Variants in KAZN observed in about 807,000 individuals in gnomAD.
KAZN encodes the protein kazrin.
In KAZN, 40 loss-of-function variants were observed where a neutral mutation model predicts 87.4. The observed-to-expected ratio is 0.46, with a 90% CI of 0.36 to 0.60. The LOEUF (loss-of-function observed/expected upper bound fraction) is 0.60. Among genes scored for constraint, KAZN ranks in the 20% least tolerant of loss-of-function variants. The probability of loss-of-function intolerance (pLI) is 0.00; values close to 1 mark genes in which losing one functional copy is unlikely to be tolerated. For synonymous variants in KAZN, 466 were observed against 458.3 expected, an observed-to-expected ratio of 1.02 and a Z score of -0.22; for missense variants, 898 against 1,073.9, an observed-to-expected ratio of 0.84 and a Z score of 2.29.
chr1:14,550,457 A>T (rs1673430203), intron 2 of KAZN, among the ~76,000 whole-genome samples: 1 of 152,116 alleles, frequency 6.6e-6, no homozygotes, highest in African/African-American at 2.4e-5. Context: ...CAGGCTGGAA[A>T]AATATTGGCA....
At chr1:13,896,392 C>T (rs1639045087) in intron 1 of KAZN, among the ~76,000 whole-genome samples, 1 of 152,132 alleles carries the variant, frequency 6.6e-6, no homozygotes, top group Admixed American at 6.5e-5. Context: ...TAGGCTCAAG[C>T]GATCCTCCCA....
chr1:14,683,780 G>A (rs890471154), intron 1 of KAZN, among the ~76,000 whole-genome samples: 3 of 152,112 alleles, frequency 2.0e-5, no homozygotes, highest in Non-Finnish European at 4.4e-5. Flanking sequence ...TGTGCAGTGC[G>A]TGCTTCCTCT....
chr1:14,661,923 A>G (rs1639196957), intron 1 of KAZN, among the ~76,000 whole-genome samples: 1 of 152,212 alleles, frequency 6.6e-6, no homozygotes, highest in African/African-American at 2.4e-5. Context: ...TTCAAAAATA[A>G]AAGCATGGTT....
At chr1:13,910,896 A>G (rs759592332) in intron 1 of KAZN, among the ~76,000 whole-genome samples, 4 of 152,018 alleles carry the variant, frequency 2.6e-5, no homozygotes, top group Admixed American at 1.3e-4. Context: ...TTGGCTCACA[A>G]TTCTGTAGGC....
intron 2 of KAZN, among the ~76,000 whole-genome samples, chr1:14,961,170 C>T (rs907760561): frequency 1.7e-4 from 26 of 152,318 alleles, no homozygotes; most frequent in African/African-American, 6.0e-4. Flanking sequence ...AGGACGCTGA[C>T]CCAGCAGCCG....
At chr1:14,110,807 A>G (rs1644486179) in intron 1 of KAZN, among the ~76,000 whole-genome samples, 1 of 134,754 alleles carries the variant, frequency 7.4e-6, no homozygotes, top group South Asian at 2.5e-4. Flanking sequence ...AAAATATCTC[A>G]TTAATATCTT....
intron 1 of KAZN, among the ~76,000 whole-genome samples, chr1:14,054,063 G>C (rs1174976298): frequency 6.6e-6 from 1 of 151,828 alleles, no homozygotes; most frequent in African/African-American, 2.4e-5. Flanking sequence ...GGGAGGGATT[G>C]GTTTTTCTGT....
chr1:15,082,188 C>T (rs890811260), intron 8 of KAZN, among the ~76,000 whole-genome samples: 18 of 152,142 alleles, frequency 1.2e-4, no homozygotes, highest in African/African-American at 4.3e-4. Flanking sequence ...AGGTCTGAGA[C>T]CCTATGGGGC....
rs922245185 is a variant in KAZN at position 14,819,042 on chromosome 1, C to T, written c.227-141642C>T. On this transcript the variant is annotated intron_variant, in intron 1 of 14. Transcript: ENST00000376030. ...TGCACTCCAGCCTGGGCAACAACAG[C>T]GAAACTCTGTCTCAAAAAAAAATTG... 2.6e-5 allele frequency among the ~76,000 whole-genome samples: 4 copies of T among 152,142 alleles called. No individual in the cohort carries two copies. The South Asian group carries it at 6.2e-4, about 24-fold the overall frequency.
chr1:15,100,715 A>G (rs1641021878), intron 10 of KAZN, among the ~76,000 whole-genome samples: 1 of 152,228 alleles, frequency 6.6e-6, no homozygotes, highest in Non-Finnish European at 1.5e-5. Context: ...GAGGGTTTGT[A>G]ATCAGTCAAA....
intron 1 of KAZN, among the ~76,000 whole-genome samples, chr1:14,668,898 G>A (rs2069101): frequency 2.0e-5 from 3 of 152,192 alleles, no homozygotes; most frequent in Non-Finnish European, 2.9e-5. Context: ...TTGAAAAGGA[G>A]TTTGCGTTTG....
intron 1 of KAZN, among the ~76,000 whole-genome samples, chr1:14,714,550 C>T (rs982653104): frequency 2.0e-4 from 31 of 152,104 alleles, no homozygotes; most frequent in African/African-American, 7.2e-4. Flanking sequence ...AGAGCAGACA[C>T]CTGCTCTGCT....
chr1:14,931,063 C>G (rs1326948163), intron 1 of KAZN, among the ~76,000 whole-genome samples: 2 of 152,290 alleles, frequency 1.3e-5, no homozygotes, highest in East Asian at 3.9e-4. Flanking sequence ...GGTGAGGAAA[C>G]TGAGGCCCGA....
intron 2 of KAZN, among the ~76,000 whole-genome samples, chr1:14,245,824 G>T (rs990169382): frequency 6.6e-6 from 1 of 152,108 alleles, no homozygotes; most frequent in Non-Finnish European, 1.5e-5. Flanking sequence ...CAATCTCATT[G>T]CTGGGTATAT....
At chr1:14,419,237 G>A (rs1049479593) in intron 2 of KAZN, among the ~76,000 whole-genome samples, 3 of 150,840 alleles carry the variant, frequency 2.0e-5, no homozygotes, top group South Asian at 2.1e-4. Flanking sequence ...CATTTTAAAA[G>A]TAAGTAAACT....
chr1:14,890,653 G>A (rs1035724973), intron 1 of KAZN, among the ~76,000 whole-genome samples: 2 of 152,122 alleles, frequency 1.3e-5, no homozygotes, highest in African/African-American at 2.4e-5. Flanking sequence ...CGGGCCCCAC[G>A]GCGGATCCAC....
chr1:14,458,113 G>A (rs1196162410), intron 2 of KAZN, among the ~76,000 whole-genome samples: 1 of 151,982 alleles, frequency 6.6e-6, no homozygotes, highest in South Asian at 2.1e-4. Flanking sequence ...GAGCCACCAC[G>A]CCCAGTTGAC....
At chr1:14,342,797 G>A (rs1657830209) in intron 2 of KAZN, among the ~76,000 whole-genome samples, 1 of 152,296 alleles carries the variant, frequency 6.6e-6, no homozygotes, top group South Asian at 2.1e-4. Context: ...TGAGGGAGCT[G>A]CACTTGTCCT....
rs967453896 is a variant in KAZN, at chr1:14,811,883, G to A, written c.227-148801G>A. Reference sequence around the variant, plus strand: ...TGTTACAGACTTGGCCCAAGGTCACGCAGTGAGTAAATGGAAGAATGAAAA... The same window carrying A: ...TGTTACAGACTTGGCCCAAGGTCACACAGTGAGTAAATGGAAGAATGAAAA... On this transcript the variant is annotated intron_variant, in intron 1 of 14. Coordinates refer to ENST00000376030, the MANE Select transcript of KAZN (RefSeq NM_201628.3). Among the ~76,000 whole-genome samples the A allele has an allele frequency of 1.5e-4, 23 of 152,278 alleles. 1 individual carries two copies. Among genetic ancestry groups the A allele is most frequent in the African/African-American group, 3.1e-4 (13 of 41,550 alleles).
Sources: gnomAD v4.1 joint callset for allele counts (sites outside exome capture counted in the v4.1 genomes callset) on GRCh38, gnomAD v4.1.1 for gene constraint, MANE v1.5 for transcripts, NCBI Gene and HGNC (gene_info 2026-07-23, HGNC 2026-07-21) for gene names.